Variants in EXOC1L observed in about 807,000 individuals in gnomAD.
EXOC1L encodes the protein exocyst complex component 1-like.
In EXOC1L, 10 loss-of-function variants were observed where a neutral mutation model predicts 4.9. The observed-to-expected ratio is 2.02, with a 90% CI of 1.25 to 3.43. The LOEUF is 3.43. Ranked by LOEUF, EXOC1L falls within the 30% of genes most tolerant of loss-of-function variation. The probability of loss-of-function intolerance (pLI) is 0.00; values close to 1 mark genes in which losing one functional copy is unlikely to be tolerated. For synonymous variants in EXOC1L, 41 were observed against 20.8 expected (o/e 1.97, Z -2.63); for missense variants, 114 against 59.4 (o/e 1.92, Z -3.02).
At chr4:55,824,702 A>C (rs1719837995) in intron 1 of EXOC1L, among the ~76,000 whole-genome samples, 1 of 152,134 alleles carries the variant, frequency 6.6e-6, no homozygotes, top group Non-Finnish European at 1.5e-5. Flanking sequence ...TCTCCAAATC[A>C]GGGTAATTGT....
chr4:55,835,073 A>G (rs942582386), intron 2 of EXOC1L, among the ~76,000 whole-genome samples: 4 of 151,794 alleles, frequency 2.6e-5, no homozygotes, highest in East Asian at 3.8e-4. Flanking sequence ...GTGAGAATAT[A>G]TGATGTTTGG....
intron 2 of EXOC1L, among the ~76,000 whole-genome samples, chr4:55,835,695 T>G (rs1201811185): frequency 6.6e-6 from 1 of 152,046 alleles, no homozygotes; most frequent in Non-Finnish European, 1.5e-5. Flanking sequence ...CACTTCTTGA[T>G]CAAATTGTTT....
rs1278281308 is a variant in EXOC1L, at chr4:55,820,093, G to A, written c.67G>A (p.Glu23Lys). ...TAAGCCACTCTCGCAGAATCTGTAC[G>A]AGTTTATTGAAATAGAGTTCTCCGT... is the stretch of plus-strand genomic sequence containing the variant. ...LFKPLSQNLY[E>K]FIEIEFSVQD... The change falls in exon 1 of 3, where the codon GAG (glutamate) becomes AAG (lysine). Residue 23 changes from glutamate to lysine, a missense_variant. Coordinates refer to ENST00000636125, the MANE Select transcript of EXOC1L (RefSeq NM_001351574.3). 2.5e-6 allele frequency: 1 copy of A among 399,038 alleles called. No homozygotes were observed. The highest frequency in any genetic ancestry group is 3.6e-5 in the East Asian group (1 of 28,080). 24.7% of individuals were successfully genotyped at this position (399,038 alleles called of 1,614,324 possible).
intron 1 of EXOC1L, among the ~76,000 whole-genome samples, chr4:55,829,788 A>G (rs529581253): frequency 1.0e-3 from 159 of 152,328 alleles, no homozygotes; most frequent in African/African-American, 3.7e-3. Flanking sequence ...AGCCCTTACT[A>G]TAGTAGGTCA....
At chr4:55,831,208 C>T (rs890157209) in intron 1 of EXOC1L, 126 bp from the exon 2 acceptor site, 20 of 476,312 alleles carry the variant, frequency 4.2e-5, no homozygotes, top group African/African-American at 8.1e-5. Context: ...ACAATTGAGG[C>T]GCAGCTATAA....
chr4:55,827,785 A>T (rs1375060667), intron 1 of EXOC1L, among the ~76,000 whole-genome samples: 1 of 152,204 alleles, frequency 6.6e-6, no homozygotes, highest in Non-Finnish European at 1.5e-5. Flanking sequence ...TTCTGGGCAT[A>T]CAACTGCCTC....
chr4:55,828,543 G>A (rs950826139), intron 1 of EXOC1L, among the ~76,000 whole-genome samples: 1 of 152,008 alleles, frequency 6.6e-6, no homozygotes, highest in Non-Finnish European at 1.5e-5. Context: ...TACAAATGTG[G>A]TTTGGGGGCC....
At position 55,819,844 on chromosome 4, in the gene EXOC1L, G is replaced by C. The variant is rs1719693591; in HGVS notation, c.-183G>C. On this transcript the variant is annotated 5_prime_UTR_variant, in exon 1 of 3. Transcript: ENST00000636125. ...GGGCAGATACCGCAGTGAGGGGTCT[G>C]ACCGCGCTGAGTGCTCTCGGGAATC... 2.7e-6 allele frequency: 1 copy of C among 367,878 alleles called. No homozygotes were observed. The highest frequency in any genetic ancestry group is 4.8e-6 in the Non-Finnish European group (1 of 207,508). 22.8% of individuals were successfully genotyped at this position (367,878 alleles called of 1,614,324 possible).
At chr4:55,827,863 T>G (rs1178037785) in intron 1 of EXOC1L, among the ~76,000 whole-genome samples, 1 of 152,124 alleles carries the variant, frequency 6.6e-6, no homozygotes, top group Non-Finnish European at 1.5e-5. Context: ...GTGCCTCCAC[T>G]TCACCACCTC....
intron 1 of EXOC1L, among the ~76,000 whole-genome samples, chr4:55,821,260 ATATGACTACAAAG>A: frequency 6.6e-6 from 1 of 152,322 alleles, no homozygotes. Context: ...ATATTTTGCT[ATATGACTACAAAG>A]TATAGAGGGT....
intron 1 of EXOC1L, among the ~76,000 whole-genome samples, chr4:55,822,306 T>C (rs58288133): frequency 0.063 from 9,613 of 152,264 alleles, 373 homozygotes; most frequent in Non-Finnish European, 0.077. Flanking sequence ...CAAAATTAAA[T>C]GTCAAAAACT....
At chr4:55,831,147 C>A (rs146151831) in intron 1 of EXOC1L, among the ~76,000 whole-genome samples, 187 bp from the exon 2 acceptor site, 1 of 152,040 alleles carries the variant, frequency 6.6e-6, no homozygotes, top group Non-Finnish European at 1.5e-5. Flanking sequence ...AAAGTTAATA[C>A]GTTGAGCAAA....
intron 1 of EXOC1L, among the ~76,000 whole-genome samples, chr4:55,826,759 A>G (rs1351573779): frequency 1.3e-5 from 2 of 152,218 alleles, no homozygotes; most frequent in East Asian, 3.8e-4. Context: ...GAAGTGTGGA[A>G]ATTAGGGATT....
chr4:55,824,031 A>G (rs1432870355), intron 1 of EXOC1L, among the ~76,000 whole-genome samples: 3 of 152,198 alleles, frequency 2.0e-5, no homozygotes, highest in African/African-American at 4.8e-5. Context: ...ATTGATTTCC[A>G]AGAGATACAT....
intron 1 of EXOC1L, among the ~76,000 whole-genome samples, chr4:55,823,911 C>T (rs751603943): frequency 9.9e-5 from 15 of 151,952 alleles, no homozygotes; most frequent in African/African-American, 1.9e-4. Flanking sequence ...TTTGGTTCTG[C>T]GACAACACAG....
At chr4:55,827,452 G>T (rs1248151273) in intron 1 of EXOC1L, among the ~76,000 whole-genome samples, 1 of 152,100 alleles carries the variant, frequency 6.6e-6, no homozygotes, top group Non-Finnish European at 1.5e-5. Context: ...GTAAGCACAG[G>T]TTTTCTTTCT....
chr4:55,831,501 T>G, intron 2 of EXOC1L, 37 bp downstream of exon 2: 1 of 657,042 alleles, frequency 1.5e-6, no homozygotes, highest in African/African-American at 1.8e-5. Flanking sequence ...GTGGAATCAA[T>G]ATGCTGGAGA....
chr4:55,821,464 A>T (rs1379135123), intron 1 of EXOC1L, among the ~76,000 whole-genome samples: 1 of 152,116 alleles, frequency 6.6e-6, no homozygotes, highest in Non-Finnish European at 1.5e-5. Flanking sequence ...AAAATGTAAT[A>T]ATTTTGTATT....
chr4:55,823,762 G>A (rs1719806133), intron 1 of EXOC1L, among the ~76,000 whole-genome samples: 1 of 152,122 alleles, frequency 6.6e-6, no homozygotes, highest in South Asian at 2.1e-4. Context: ...AGGCTGGAGT[G>A]CAGTGTCACG....
Sources: allele counts gnomAD v4.1 joint callset (sites outside exome capture counted in the v4.1 genomes callset), GRCh38; gene constraint gnomAD v4.1.1; transcripts MANE v1.5; gene names NCBI Gene and HGNC (gene_info 2026-07-23, HGNC 2026-07-21).